PCDH15: variants seen among roughly 807,000 people sequenced by gnomAD.
PCDH15 encodes the protein protocadherin-15.
In PCDH15, 129 loss-of-function variants were observed where a neutral mutation model predicts 178.5. The observed-to-expected ratio is 0.72, with a 90% CI of 0.63 to 0.84. The LOEUF is 0.84. Ranked by LOEUF, PCDH15 falls within the 40% of genes least tolerant of loss-of-function variation. The probability of loss-of-function intolerance (pLI) is 0.00; values close to 1 mark genes in which losing one functional copy is unlikely to be tolerated. For missense variants in PCDH15, 2,230 were observed against 2,099.9 expected (o/e 1.06, Z -1.21); for synonymous variants, 800 against 732.0 (o/e 1.09, Z -1.50).
At chr10:54,544,559 G>A (rs1238138597) in intron 2 of PCDH15, among the ~76,000 whole-genome samples, 1 of 152,022 alleles carries the variant, frequency 6.6e-6, no homozygotes, top group South Asian at 2.1e-4. Flanking sequence ...CCTTCCCAAG[G>A]GTGGTACTCC....
At chr10:55,342,492 A>G (rs1844631609) in intron 2 of PCDH15, among the ~76,000 whole-genome samples, 1 of 151,726 alleles carries the variant, frequency 6.6e-6, no homozygotes, top group African/African-American at 2.4e-5. Flanking sequence ...TAAATTTTTT[A>G]AAAGGTGGGG....
chr10:54,899,731 G>T (rs531936236), intron 2 of PCDH15, among the ~76,000 whole-genome samples: 1 of 152,190 alleles, frequency 6.6e-6, no homozygotes, highest in South Asian at 2.1e-4. Flanking sequence ...TTCTGACGTT[G>T]TGATCCGTCC....
At chr10:55,216,041 A>G (rs1258590127) in intron 1 of PCDH15, among the ~76,000 whole-genome samples, 1 of 151,956 alleles carries the variant, frequency 6.6e-6, no homozygotes, top group Non-Finnish European at 1.5e-5. Flanking sequence ...TGTATTATCT[A>G]GGGCAAATTA....
chr10:55,467,194 C>T lies in PCDH15; in HGVS notation c.-156+160431G>A, dbSNP rs182057301. ...GCCCCAGTTTGAAACAAACAAAAAT[C>T]CAAGCAAATAAAATGAAATCAAAAA... On this transcript the variant is annotated intron_variant, in intron 2 of 5. Coordinates refer to the PCDH15 transcript ENST00000613346. Among the ~76,000 whole-genome samples the T allele has an allele frequency of 1.6e-4, 24 of 152,130 alleles. No homozygotes were observed. The East Asian group carries it at 4.1e-3, about 26-fold the overall frequency.
chr10:54,841,113 A>G (rs958105368), intron 3 of PCDH15, among the ~76,000 whole-genome samples: 13 of 151,872 alleles, frequency 8.6e-5, no homozygotes, highest in African/African-American at 3.1e-4. Context: ...ACAGCAGTAT[A>G]TAAGTTCCTC....
At chr10:53,953,398 T>C (rs1163448915) in intron 23 of PCDH15, among the ~76,000 whole-genome samples, 2 of 152,190 alleles carry the variant, frequency 1.3e-5, no homozygotes, top group Admixed American at 1.3e-4. Context: ...ATAACAGCCC[T>C]ACAAAGCAAA....
At chr10:55,243,099 G>A (rs1355732773) in intron 1 of PCDH15, among the ~76,000 whole-genome samples, 1 of 152,004 alleles carries the variant, frequency 6.6e-6, no homozygotes, top group East Asian at 1.9e-4. Context: ...ACAACTAGGA[G>A]TAGGCAAAAA....
intron 2 of PCDH15, among the ~76,000 whole-genome samples, chr10:55,391,245 CTTT>C (rs772142681): frequency 2.1e-5 from 3 of 143,810 alleles, no homozygotes; most frequent in African/African-American, 5.1e-5. Flanking sequence ...ACAGAGACAG[CTTT>C]TTTTTTTTTT....
chr10:55,215,001 T>G lies in PCDH15; in HGVS notation c.-155-48350A>C, dbSNP rs547153080. Among the ~76,000 whole-genome samples, 180 of 152,202 alleles carry G rather than the reference T, an allele frequency of 1.2e-3. 3 individuals carry two copies. The highest frequency in any genetic ancestry group is 2.4e-4 in the Non-Finnish European group (16 of 68,014). Reference sequence around the variant, plus strand: ...GGTATTACATATTTATTCACTTTAATGCACTCTTTATTTCTTGTTCATCTG... The same window carrying G: ...GGTATTACATATTTATTCACTTTAAGGCACTCTTTATTTCTTGTTCATCTG... On this transcript the variant is annotated intron_variant, in intron 1 of 5. Coordinates refer to the PCDH15 transcript ENST00000458638.
intron 3 of PCDH15, among the ~76,000 whole-genome samples, chr10:54,448,976 G>A (rs2026414): frequency 0.5 from 75,654 of 151,470 alleles, 21,083 homozygotes; most frequent in Non-Finnish European, 0.63. Context: ...TATTGGTACT[G>A]TTAACTGCCA....
intron 2 of PCDH15, among the ~76,000 whole-genome samples, chr10:55,503,809 A>G (rs991739313): frequency 6.6e-6 from 1 of 151,480 alleles, no homozygotes; most frequent in Non-Finnish European, 1.5e-5. Context: ...TATCATTCAT[A>G]GCAAAATGGT....
At chr10:54,040,229 G>A (rs976510426) in intron 18 of PCDH15, among the ~76,000 whole-genome samples, 7 of 151,912 alleles carry the variant, frequency 4.6e-5, no homozygotes, top group African/African-American at 1.7e-4. Context: ...TTGAATTGTA[G>A]CTCCCCTAAT....
chr10:55,620,442 A>G (rs1195904720), intron 2 of PCDH15, among the ~76,000 whole-genome samples: 1 of 152,088 alleles, frequency 6.6e-6, no homozygotes, highest in Non-Finnish European at 1.5e-5. Context: ...CATCTACAGA[A>G]GTTTAAAGTA....
At chr10:54,620,710 A>C (rs942187875) in intron 2 of PCDH15, among the ~76,000 whole-genome samples, 4 of 151,856 alleles carry the variant, frequency 2.6e-5, no homozygotes, top group Admixed American at 1.3e-4. Flanking sequence ...TTACTGTAAA[A>C]CTCTATTATT....
chr10:53,939,108 T>G (rs550390915), intron 24 of PCDH15, among the ~76,000 whole-genome samples, 153 bp from the exon 25 acceptor site: 1 of 152,310 alleles, frequency 6.6e-6, no homozygotes, highest in Non-Finnish European at 1.5e-5. Flanking sequence ...TTTTGGAAAC[T>G]GTTCCAGCTC....
chr10:54,102,294 C>T (rs898990448), intron 15 of PCDH15, among the ~76,000 whole-genome samples: 9 of 152,228 alleles, frequency 5.9e-5, no homozygotes, highest in Non-Finnish European at 1.3e-4. Flanking sequence ...CAGCAATGTG[C>T]TGCAGTGGCT....
chr10:54,050,086 G>T (rs1442578128), intron 18 of PCDH15, among the ~76,000 whole-genome samples: 1 of 152,158 alleles, frequency 6.6e-6, no homozygotes, highest in Non-Finnish European at 1.5e-5. Flanking sequence ...GAGTGCGTTA[G>T]GGTGGAGTCC....
intron 8 of PCDH15, among the ~76,000 whole-genome samples, chr10:54,287,281 T>A (rs1012937505): frequency 2.0e-5 from 3 of 152,220 alleles, no homozygotes; most frequent in African/African-American, 7.2e-5. Context: ...AAAACAATAA[T>A]GAGGCTTCTC....
At chr10:54,508,538 A>T (rs2137660378) in intron 3 of PCDH15, among the ~76,000 whole-genome samples, 1 of 152,262 alleles carries the variant, frequency 6.6e-6, no homozygotes, top group African/African-American at 2.4e-5. Flanking sequence ...CAGACCACTT[A>T]TATTGGTCTA....
Sources: allele counts gnomAD v4.1 joint callset (sites outside exome capture counted in the v4.1 genomes callset), GRCh38; gene constraint gnomAD v4.1.1; transcripts MANE v1.5; gene names NCBI Gene and HGNC (gene_info 2026-07-23, HGNC 2026-07-21).